MAN1C1: variants seen among roughly 807,000 people sequenced by gnomAD.
MAN1C1 encodes mannosidase alpha class 1C member 1.
Under a neutral mutation model 71.5 loss-of-function variants are expected in MAN1C1, and 49 were observed. The observed-to-expected ratio is 0.69, with a 90% confidence interval of 0.54 to 0.87. The LOEUF is 0.87. Ranked by LOEUF, MAN1C1 falls within the 40% of genes least tolerant of loss-of-function variation. MAN1C1 has a pLI of 0.00. For missense variants in MAN1C1, 743 were observed against 835.0 expected, an observed-to-expected ratio of 0.89 and a Z score of 1.36; for synonymous variants, 352 against 343.7, an observed-to-expected ratio of 1.02 and a Z score of -0.27.
At chr1:25,625,177 G>T (rs1232949397) in intron 1 of MAN1C1, among the ~76,000 whole-genome samples, 1 of 151,712 alleles carries the variant, frequency 6.6e-6, no homozygotes, top group East Asian at 1.9e-4. Flanking sequence ...AGCTAATTTT[G>T]TATTTTTAGT....
In MAN1C1 at chr1:25,617,960, G is replaced by GC; in HGVS notation, c.169dup (p.Arg57ProfsTer12). The GC allele has an allele frequency of 1.9e-6, 3 of 1,608,266 alleles. No homozygotes were observed. The highest frequency in any genetic ancestry group is 8.5e-7 in the Non-Finnish European group (1 of 1,178,014). ...CTCTCGCCTCAAGCGCCTCTTCCTG[G>GC]CCCCCCGGACCCAGCAGCCTGGTCT... On this transcript the variant is annotated frameshift_variant, in exon 1 of 12. Transcript: ENST00000374332. LOFTEE classifies it high-confidence loss of function. The surrounding 1 kb of genome is among the most constrained non-coding windows in gnomAD (Gnocchi z 5.1).
In MAN1C1 at chr1:25,728,430, G is replaced by C. The variant is rs115110149; in HGVS notation, c.638-18238G>C. On this transcript the variant is annotated intron_variant, in intron 2 of 11. Transcript: ENST00000374332. ...AGAGAAACAGGCTCAGGGAGGTGAA[G>C]TGCTCAAGGTCATTCTGCCTGGTGG... is the stretch of plus-strand genomic sequence containing the variant. 3.9e-3 allele frequency among the ~76,000 whole-genome samples: 598 copies of C among 152,316 alleles called. 1 individual carries two copies. The highest frequency in any genetic ancestry group is 6.7e-3 in the Non-Finnish European group (455 of 68,030).
chr1:25,654,831 G>A (rs2045740923), intron 1 of MAN1C1, among the ~76,000 whole-genome samples: 1 of 152,066 alleles, frequency 6.6e-6, no homozygotes, highest in Non-Finnish European at 1.5e-5. Context: ...ATTTTTAGTA[G>A]AGACGGGGTT....
Position 25,721,747 on chromosome 1 carries a change from C to G in MAN1C1, c.638-24921C>G, listed in dbSNP as rs551610358. 4.6e-5 allele frequency among the ~76,000 whole-genome samples: 7 copies of G among 152,272 alleles called. No individual in the cohort carries two copies. The South Asian group carries it at 6.2e-4, about 14-fold the overall frequency. On this transcript the variant is annotated intron_variant, in intron 2 of 11. Transcript: ENST00000374332. Reference sequence around the variant, plus strand: ...TACTTCCTTCTTTCTAATATGGATGCCTTTTATTTCTCTCTCTTGCCCAGT... The same window carrying G: ...TACTTCCTTCTTTCTAATATGGATGGCTTTTATTTCTCTCTCTTGCCCAGT...
chr1:25,726,170 A>T (rs1361237981), intron 2 of MAN1C1, among the ~76,000 whole-genome samples: 1 of 152,178 alleles, frequency 6.6e-6, no homozygotes, highest in Non-Finnish European at 1.5e-5. Flanking sequence ...TCTCTGCCTA[A>T]GGCAGAGCTT....
At chr1:25,768,749 A>G (rs1394634104) in intron 7 of MAN1C1, among the ~76,000 whole-genome samples, 1 of 124,920 alleles carries the variant, frequency 8.0e-6, no homozygotes, top group Admixed American at 8.3e-5. Flanking sequence ...ACACACCCAC[A>G]GTCCCCTCAC....
chr1:25,648,794 G>T (rs192655186), intron 1 of MAN1C1, among the ~76,000 whole-genome samples: 1 of 152,224 alleles, frequency 6.6e-6, no homozygotes, highest in Non-Finnish European at 1.5e-5. Context: ...ATCTCCTCAT[G>T]TGCCTTTGTG....
chr1:25,697,400 A>C (rs1356797406), intron 2 of MAN1C1, among the ~76,000 whole-genome samples: 1 of 152,254 alleles, frequency 6.6e-6, no homozygotes, highest in African/African-American at 2.4e-5. Context: ...GGAATTGCCT[A>C]GGAATATTCC....
Position 25,631,446 on chromosome 1 carries a change from T to TA in MAN1C1, c.540+13110dup, listed in dbSNP as rs1210138237. Among the ~76,000 whole-genome samples the TA allele has an allele frequency of 2.0e-5, 3 of 152,238 alleles. No individual in the cohort carries two copies. The highest frequency in any genetic ancestry group is 4.8e-5 in the African/African-American group (2 of 41,468). ...TGCCTGGTTTGTTGAGAGTTTTTTT[T>TA]ATCATAAAAGGATGCTGGATCTTAT... On this transcript the variant is annotated intron_variant, in intron 1 of 11. Transcript: ENST00000374332. This position sits in a 1 kb window ranked among gnomAD's most constrained non-coding sequence, Gnocchi z 4.2.
Position 25,756,744 on chromosome 1 carries a change from G to A in MAN1C1, c.930-1848G>A, listed in dbSNP as rs961741469. ...TCCGTCGTCTTCCGCCTCTGACCTC[G>A]AACACTTCACTTCCCTGTATGAGCC... On this transcript the variant is annotated intron_variant, in intron 5 of 11. Transcript: ENST00000374332. Among the ~76,000 whole-genome samples the A allele has an allele frequency of 2.6e-5, 4 of 152,228 alleles. No individual in the cohort carries two copies. The South Asian group carries it at 6.2e-4, about 24-fold the overall frequency.
At chr1:25,766,074 G>A (rs2047422382) in intron 7 of MAN1C1, among the ~76,000 whole-genome samples, 1 of 152,194 alleles carries the variant, frequency 6.6e-6, no homozygotes, top group Admixed American at 6.5e-5. Flanking sequence ...AGGGCTGAAA[G>A]GGGTGTGGGC....
At chr1:25,738,796 T>C (rs1421312356) in intron 2 of MAN1C1, among the ~76,000 whole-genome samples, 1 of 152,104 alleles carries the variant, frequency 6.6e-6, no homozygotes, top group Non-Finnish European at 1.5e-5. Flanking sequence ...TTCCTTACAG[T>C]ATGGTGGCTG....
rs1331683546 is a variant in MAN1C1, at chr1:25,782,740, A to G, written c.1766+40A>G. 4.6e-6 allele frequency: 7 copies of G among 1,509,820 alleles called. No homozygotes were observed. Among genetic ancestry groups the G allele is most frequent in the Non-Finnish European group, 6.4e-6 (7 of 1,085,866 alleles). The allele number at this position is 1,509,820 out of a possible 1,614,324, so 93.5% of individuals were successfully genotyped here. On this transcript the variant is annotated intron_variant, in intron 11 of 11. Transcript: ENST00000374332. This position sits in a 1 kb window ranked among gnomAD's most constrained non-coding sequence, Gnocchi z 4.4. Reference sequence around the variant, plus strand: ...CTCTTCCTAGGGATGGACAGGTGGGAGGTTGAGGGTAGGGGTCCGCAGTCC... The same window carrying G: ...CTCTTCCTAGGGATGGACAGGTGGGGGGTTGAGGGTAGGGGTCCGCAGTCC...
chr1:25,664,509 A>C (rs2045894129), intron 1 of MAN1C1, among the ~76,000 whole-genome samples: 1 of 152,230 alleles, frequency 6.6e-6, no homozygotes, highest in African/African-American at 2.4e-5. Context: ...TACTGTAGAC[A>C]GATAATTTGT....
At position 25,706,102 on chromosome 1, in the gene MAN1C1, T is replaced by C. The variant is rs1350141277; in HGVS notation, c.637+19566T>C. ...GCAGAGCCAGTATTGGAACCCAAGC[T>C]CTCTGACCCCAGAAGCTTCTGATGC... is the stretch of plus-strand genomic sequence containing the variant. On this transcript the variant is annotated intron_variant, in intron 2 of 11. Transcript: ENST00000374332. 2.0e-5 allele frequency among the ~76,000 whole-genome samples: 3 copies of C among 152,164 alleles called. No individual in the cohort carries two copies. The East Asian group carries it at 5.8e-4, about 29-fold the overall frequency.
At chr1:25,660,396 C>CCTTTTTT (rs1389255801) in intron 1 of MAN1C1, among the ~76,000 whole-genome samples, 13 of 97,628 alleles carry the variant, frequency 1.3e-4, no homozygotes, top group African/African-American at 6.3e-4. Context: ...AGTGAAATTC[C>CCTTTTTT]TTTTTTTTTT....
rs184912061 is a variant in MAN1C1 at position 25,740,772 on chromosome 1, G to T, written c.638-5896G>T. Among the ~76,000 whole-genome samples, 6 of 152,088 alleles carry T rather than the reference G, an allele frequency of 3.9e-5. No individual in the cohort carries two copies. The East Asian group carries it at 9.7e-4, about 25-fold the overall frequency. On this transcript the variant is annotated intron_variant, in intron 2 of 11. Coordinates refer to ENST00000374332, the MANE Select transcript of MAN1C1 (RefSeq NM_020379.4). ...TTTAAAAAATCTCTCTGGCTGCAAC[G>T]CTGAGGACAGATGGGTGGATCGGGG... is the stretch of plus-strand genomic sequence containing the variant.
intron 1 of MAN1C1, among the ~76,000 whole-genome samples, chr1:25,653,658 T>C (rs550035297): frequency 1.3e-5 from 2 of 152,292 alleles, no homozygotes; most frequent in East Asian, 3.9e-4. Context: ...TAAGAGCTGC[T>C]TTCCCCAGAA....
At chr1:25,706,808 C>CCCTACTAG (rs757773377) in intron 2 of MAN1C1, among the ~76,000 whole-genome samples, 2 of 152,218 alleles carry the variant, frequency 1.3e-5, no homozygotes, top group Non-Finnish European at 2.9e-5. Flanking sequence ...CCTCTCATGA[C>CCCTACTAG]CCTACTAGGC....
Sources: allele counts gnomAD v4.1 joint callset (sites outside exome capture counted in the v4.1 genomes callset), GRCh38; gene constraint gnomAD v4.1.1; non-coding constraint Gnocchi (gnomAD v3.1); transcripts MANE v1.5; gene names NCBI Gene and HGNC (gene_info 2026-07-23, HGNC 2026-07-21).